The following RELN variants were observed in gnomAD, a reference collection of about 807,000 sequenced individuals.
The protein encoded by RELN is reelin.
RELN carries 108 observed loss-of-function variants against 427.6 expected under a neutral mutation model. That is an observed-to-expected ratio of 0.25 (90% CI 0.22 to 0.30). The LOEUF (loss-of-function observed/expected upper bound fraction) is 0.30. Among genes scored for constraint, RELN ranks in the 10% least tolerant of loss-of-function variants. The probability of loss-of-function intolerance (pLI) is 1.00; values close to 1 mark genes in which losing one functional copy is unlikely to be tolerated. For missense variants in RELN, 3,715 were observed against 4,302.8 expected, an observed-to-expected ratio of 0.86 and a Z score of 3.82; for synonymous variants, 1,524 against 1,513.4, an observed-to-expected ratio of 1.01 and a Z score of -0.16.
chr7:103,979,612 G>A (rs1796949390), intron 1 of RELN, among the ~76,000 whole-genome samples: 1 of 152,222 alleles, frequency 6.6e-6, no homozygotes, highest in Admixed American at 6.5e-5. Context: ...GCAGAACTTT[G>A]AGCAGTGAAC....
At position 103,803,652 on chromosome 7, in the gene RELN, C is replaced by T. The variant is rs534072536; in HGVS notation, c.474-27025G>A. On this transcript the variant is annotated intron_variant, in intron 3 of 64. Coordinates refer to ENST00000428762, the MANE Select transcript of RELN (RefSeq NM_005045.4). The stretch of plus-strand genomic sequence containing the variant: ...GTTGCTTAGAGATTGAAATTATATA[C>T]TCAGCTTCTAAGGGTAGAAGGAACT... 3.9e-5 allele frequency among the ~76,000 whole-genome samples: 6 copies of T among 152,204 alleles called. No individual in the cohort carries two copies. In the South Asian group the frequency reaches 1.0e-3, roughly 26 times the overall value.
intron 57 of RELN, 78 bp downstream of exon 57, chr7:103,495,645 A>T: frequency 7.7e-7 from 1 of 1,304,554 alleles, no homozygotes. Context: ...ATTTCCTTAT[A>T]GTTGTCTGAC....
chr7:103,783,440 G>C (rs983529104), intron 3 of RELN, among the ~76,000 whole-genome samples: 1 of 152,044 alleles, frequency 6.6e-6, no homozygotes, highest in African/African-American at 2.4e-5. Flanking sequence ...TGCAAAATAA[G>C]CAAAGGATTC....
At chr7:103,745,239 T>C (rs2116039662) in intron 6 of RELN, among the ~76,000 whole-genome samples, 1 of 152,142 alleles carries the variant, frequency 6.6e-6, no homozygotes, top group African/African-American at 2.4e-5. Flanking sequence ...AAACTCTCAA[T>C]AAATCAGGTA....
chr7:103,715,534 C>G (rs1304707398), intron 8 of RELN, among the ~76,000 whole-genome samples: 2 of 152,168 alleles, frequency 1.3e-5, no homozygotes, highest in African/African-American at 4.8e-5. Context: ...ACTTTCCTGG[C>G]TGAATTTCCC....
chr7:103,774,154 G>A (rs997993997), intron 4 of RELN, among the ~76,000 whole-genome samples: 2 of 151,766 alleles, frequency 1.3e-5, no homozygotes, highest in Admixed American at 6.6e-5. Context: ...AAAATTAGCC[G>A]GGTGCAGTGG....
intron 29 of RELN, among the ~76,000 whole-genome samples, chr7:103,574,522 A>C (rs1830955617): frequency 6.6e-6 from 1 of 152,226 alleles, no homozygotes; most frequent in Non-Finnish European, 1.5e-5. Flanking sequence ...TAATAGAGAC[A>C]GACATTGGGA....
In RELN at chr7:103,522,041, A is replaced by G. The variant is rs1829719800; in HGVS notation, c.7649T>C (p.Met2550Thr). 6.2e-7 allele frequency: 1 copy of G among 1,614,000 alleles called. No homozygotes were observed. The highest frequency in any genetic ancestry group is 1.1e-5 in the South Asian group (1 of 91,082). Residue 2550 changes from methionine (M) to threonine (T), a missense_variant, in exon 48 of 65, where the codon ATG becomes ACG. By Grantham distance (81) the Met-to-Thr change is moderately conservative (BLOSUM62 -1). This residue lies in a region of RELN where 1,310 missense variants were observed against 1,643.0 expected (regional missense o/e 0.80). Transcript: ENST00000428762. The stretch of plus-strand genomic sequence containing the variant: ...ACTCACCCCACTGAAATGGAGAGCC[A>G]TTCCCGACGCCACGGCTCCACACAC... ...STVCGAVASG[M>T]ALHFSGGCSR...
At chr7:103,815,758 A>G (rs144593457) in intron 3 of RELN, among the ~76,000 whole-genome samples, 18 of 152,298 alleles carry the variant, frequency 1.2e-4, no homozygotes, top group African/African-American at 4.1e-4. Context: ...GTTACTCTGA[A>G]AATCTCCATG....
chr7:103,976,555 A>C (rs138276832), intron 1 of RELN, among the ~76,000 whole-genome samples: 7 of 152,258 alleles, frequency 4.6e-5, no homozygotes, highest in Non-Finnish European at 1.0e-4. Flanking sequence ...TTGAGATGAA[A>C]CAATTGTAGG....
At chr7:103,692,657 G>C (rs1231983808) in intron 10 of RELN, among the ~76,000 whole-genome samples, 1 of 152,050 alleles carries the variant, frequency 6.6e-6, no homozygotes, top group African/African-American at 2.4e-5. Flanking sequence ...GGAGACTAAA[G>C]TAACTCGATG....
intron 24 of RELN, among the ~76,000 whole-genome samples, chr7:103,597,069 A>G (rs948105017): frequency 6.6e-6 from 1 of 152,210 alleles, no homozygotes; most frequent in African/African-American, 2.4e-5. Context: ...CATTATTCAT[A>G]CTGATCACTA....
chr7:103,775,224 T>C (rs1791708556), intron 4 of RELN, among the ~76,000 whole-genome samples: 1 of 152,180 alleles, frequency 6.6e-6, no homozygotes, highest in Admixed American at 6.5e-5. Flanking sequence ...AGAAGATTTG[T>C]ATTATGATCA....
chr7:103,754,649 G>A (rs184958603), intron 4 of RELN, among the ~76,000 whole-genome samples: 5 of 152,066 alleles, frequency 3.3e-5, no homozygotes, highest in South Asian at 2.1e-4. Flanking sequence ...GGTGGTGCAC[G>A]CCTGTAGTCC....
intron 8 of RELN, among the ~76,000 whole-genome samples, chr7:103,713,136 T>C (rs570026913): frequency 1.3e-5 from 2 of 152,254 alleles, no homozygotes; most frequent in East Asian, 3.9e-4. Flanking sequence ...CGCCTCTAGA[T>C]AGCATAGTGG....
At chr7:103,576,847 A>G (rs558634988) in intron 28 of RELN, among the ~76,000 whole-genome samples, 77 of 152,306 alleles carry the variant, frequency 5.1e-4, no homozygotes, top group East Asian at 2.5e-3. Flanking sequence ...CCCAGTTTTG[A>G]GGTTGCCAAT....
At chr7:103,545,416 C>T (rs1262121722) in intron 41 of RELN, 72 bp from the exon 42 acceptor site, 2 of 1,012,576 alleles carry the variant, frequency 2.0e-6, no homozygotes, top group Non-Finnish European at 3.1e-6. Flanking sequence ...CACATCTGAT[C>T]AATGAACAAT....
At chr7:103,918,348 A>T (rs28408609) in intron 1 of RELN, among the ~76,000 whole-genome samples, 9,902 of 152,212 alleles carry the variant, frequency 0.065, 1,050 homozygotes, top group African/African-American at 0.22. Flanking sequence ...TATCTCATTC[A>T]ATTGTCAAAA....
At chr7:103,652,462 A>G (rs1252807753) in intron 14 of RELN, 89 bp downstream of exon 14, 1 of 1,047,586 alleles carries the variant, frequency 9.5e-7, no homozygotes, top group African/African-American at 1.6e-5. Flanking sequence ...AATCCAGTTA[A>G]AACTCTACCT....
Sources: allele counts gnomAD v4.1 joint callset (sites outside exome capture counted in the v4.1 genomes callset), GRCh38; gene constraint gnomAD v4.1.1; regional missense constraint gnomAD v4.1.1; transcripts MANE v1.5; gene names NCBI Gene and HGNC (gene_info 2026-07-23, HGNC 2026-07-21).